The following RRP15 variants were observed in gnomAD, a reference collection of about 807,000 sequenced individuals.
RRP15 encodes the protein ribosomal RNA processing 15 homolog.
Under a neutral mutation model 27.1 loss-of-function variants are expected in RRP15, and 18 were observed. That is an observed-to-expected ratio of 0.66 (90% confidence interval 0.46 to 0.98). The LOEUF (loss-of-function observed/expected upper bound fraction) is 0.98. Ranked by LOEUF, RRP15 falls within the 50% of genes least tolerant of loss-of-function variation. RRP15 has a pLI of 0.00. For synonymous variants in RRP15, 107 were observed against 109.4 expected (o/e 0.98, Z 0.14); for missense variants, 359 against 337.8 (o/e 1.06, Z -0.49).
In RRP15 at chr1:218,307,320, T is replaced by G. The variant is rs1056209298; in HGVS notation, c.504-111T>G. 9 of 870,288 alleles carry G rather than the reference T, an allele frequency of 1.0e-5. No homozygotes were observed. In the African/African-American group the frequency reaches 1.5e-4, roughly 15 times the overall value. 53.9% of individuals were successfully genotyped at this position (870,288 alleles called of 1,614,324 possible). A position where few individuals can be genotyped will look rare whatever the true frequency, so the allele number is the denominator to read the frequency against. Reference sequence around the variant, plus strand: ...TCCCGTTCTTTCCTTTGAGTACTTGTTAAATGCTTGCCTCTTTTCTAGACA... The same window carrying G: ...TCCCGTTCTTTCCTTTGAGTACTTGGTAAATGCTTGCCTCTTTTCTAGACA... On this transcript the variant is annotated intron_variant, in intron 3 of 4. Coordinates refer to ENST00000366932, the MANE Select transcript of RRP15 (RefSeq NM_016052.4).
chr1:218,286,506 A>G (rs548674166), intron 1 of RRP15, among the ~76,000 whole-genome samples: 111 of 152,258 alleles, frequency 7.3e-4, no homozygotes, highest in Non-Finnish European at 1.1e-3. Context: ...GTAACGTACC[A>G]CCACTACTCT....
rs369341838 is a variant in RRP15 at position 218,285,336 on chromosome 1, A to G, written c.20A>G (p.Asp7Gly). Residue 7 changes from aspartate (D) to glycine (G), a missense_variant, in exon 1 of 5, where the codon GAC becomes GGC. Transcript: ENST00000366932. The stretch of plus-strand genomic sequence containing the variant: ...AGAAAAATGGCAGCCGCCGCTCCGG[A>G]CTCACGTGTGAGTGAGGAAGAAAAC... MAAAAP[D>G]SRVSEEENLK... is the part of the protein sequence containing the mutation. 15 of 1,614,060 alleles carry G rather than the reference A, an allele frequency of 9.3e-6. No individual in the cohort carries two copies. The highest frequency in any genetic ancestry group is 1.7e-5 in the Admixed American group (1 of 60,018).
chr1:218,286,500 C>A (rs531590415), intron 1 of RRP15, among the ~76,000 whole-genome samples: 1 of 152,218 alleles, frequency 6.6e-6, no homozygotes, highest in Admixed American at 6.5e-5. Context: ...CCCTATGTAA[C>A]GTACCACCAC....
chr1:218,325,101 C>T (rs1405683438), intron 4 of RRP15, among the ~76,000 whole-genome samples: 1 of 151,934 alleles, frequency 6.6e-6, no homozygotes, highest in Non-Finnish European at 1.5e-5. Flanking sequence ...TTTCTTGGTT[C>T]ACTCTCACTC....
chr1:218,337,297 T>C lies in RRP15; in HGVS notation c.*6206T>C, dbSNP rs1039366386. The C allele has an allele frequency of 6.6e-6, 1 of 152,160 alleles. No individual in the cohort carries two copies. The highest frequency in any genetic ancestry group is 6.6e-5 in the Admixed American group (1 of 15,266). The allele number at this position is 152,160 out of a possible 1,614,324, so 9.4% of individuals were successfully genotyped here. A position where few individuals can be genotyped will look rare whatever the true frequency, so the allele number is the denominator to read the frequency against. On this transcript the variant is annotated 3_prime_UTR_variant, in exon 5 of 5. Transcript: ENST00000366932. The stretch of plus-strand genomic sequence containing the variant: ...TTCCCCCCAACAAAAATTTAAAGTC[T>C]AACAGGTGGTAGGTGCTTATTGAGG...
Position 218,332,869 on chromosome 1 carries a change from A to G in RRP15, c.*1778A>G, listed in dbSNP as rs975062248. ...ATGACTTAACAAACACACAATTTTG[A>G]AAAAAAAAAAAAAAAAGTGCAGCAA... On this transcript the variant is annotated 3_prime_UTR_variant, in exon 5 of 5. Transcript: ENST00000366932. 18 of 132,748 alleles carry G rather than the reference A, an allele frequency of 1.4e-4. No individual in the cohort carries two copies. The highest frequency in any genetic ancestry group is 5.3e-4 in the African/African-American group (18 of 33,714). 8.2% of individuals were successfully genotyped at this position (132,748 alleles called of 1,614,324 possible).
intron 1 of RRP15, among the ~76,000 whole-genome samples, chr1:218,289,830 G>A (rs891651720): frequency 6.6e-6 from 1 of 152,132 alleles, no homozygotes; most frequent in African/African-American, 2.4e-5. Flanking sequence ...TTACAGGCAT[G>A]CACCACCACA....
chr1:218,312,550 A>G (rs1656019512), intron 4 of RRP15, among the ~76,000 whole-genome samples: 2 of 152,288 alleles, frequency 1.3e-5, no homozygotes, highest in East Asian at 3.9e-4. Flanking sequence ...TGTTAAATTC[A>G]GTGGAGATTT....
rs376937291 is a variant in RRP15 at position 218,307,665 on chromosome 1, G to C, written c.705+33G>C. The C allele has an allele frequency of 3.5e-6, 5 of 1,437,452 alleles. No homozygotes were observed. The African/African-American group carries it at 4.2e-5, about 12-fold the overall frequency. The allele number at this position is 1,437,452 out of a possible 1,614,324, so 89.0% of individuals were successfully genotyped here. The stretch of plus-strand genomic sequence containing the variant: ...CTTTTCTATAGGATTCAGTGTATCA[G>C]ACTTTCAGCTCTAAAACTAGTCTTG... On this transcript the variant is annotated intron_variant, in intron 4 of 4. Transcript: ENST00000366932.
At chr1:218,302,678 A>G in intron 2 of RRP15, 119 bp downstream of exon 2, 2 of 1,445,914 alleles carry the variant, frequency 1.4e-6, no homozygotes, top group South Asian at 1.4e-5. Flanking sequence ...CTTGTTTTTT[A>G]TGTGAAGGTG....
chr1:218,334,119 C>G lies in RRP15; in HGVS notation c.*3028C>G, dbSNP rs1656414582. ...ATTTTTAAGCATCAGAATTTGAAAGCCAATGATAATACCTGATTAGGACTG... is the reference window on the plus strand; with the variant it reads ...ATTTTTAAGCATCAGAATTTGAAAGGCAATGATAATACCTGATTAGGACTG... On this transcript the variant is annotated 3_prime_UTR_variant, in exon 5 of 5. Coordinates refer to ENST00000366932, the MANE Select transcript of RRP15 (RefSeq NM_016052.4). 6.6e-6 allele frequency: 1 copy of G among 152,014 alleles called. No homozygotes were observed. Among genetic ancestry groups the G allele is most frequent in the South Asian group, 2.1e-4 (1 of 4,822 alleles). The allele number at this position is 152,014 out of a possible 1,614,324, so 9.4% of individuals were successfully genotyped here.
At chr1:218,293,457 C>G (rs1033409693) in intron 1 of RRP15, among the ~76,000 whole-genome samples, 3 of 152,058 alleles carry the variant, frequency 2.0e-5, no homozygotes, top group Non-Finnish European at 2.9e-5. Context: ...GTCTTCAGAC[C>G]TATGAGGAAT....
intron 4 of RRP15, among the ~76,000 whole-genome samples, chr1:218,314,220 A>G (rs1656045707): frequency 6.6e-6 from 1 of 152,132 alleles, no homozygotes; most frequent in African/African-American, 2.4e-5. Flanking sequence ...CAACAAAAAC[A>G]TATTTTTTAA....
chr1:218,327,798 A>AT (rs1272154392), intron 4 of RRP15, among the ~76,000 whole-genome samples: 1 of 152,204 alleles, frequency 6.6e-6, no homozygotes, highest in East Asian at 1.9e-4. Context: ...ACAGTGCTGA[A>AT]TTTTACATTA....
chr1:218,327,348 G>A (rs1021334782), intron 4 of RRP15, among the ~76,000 whole-genome samples: 7 of 152,008 alleles, frequency 4.6e-5, no homozygotes, highest in Non-Finnish European at 5.9e-5. Context: ...TTACTCCGTC[G>A]CTCAGGCTGG....
chr1:218,290,862 G>A (rs921704691), intron 1 of RRP15, among the ~76,000 whole-genome samples: 5 of 152,156 alleles, frequency 3.3e-5, no homozygotes, highest in Non-Finnish European at 7.3e-5. Context: ...CATGCGGGGG[G>A]CATACATCTG....
Position 218,302,523 on chromosome 1 carries a change from A to G in RRP15, c.369A>G (p.Glu123=). Residue 123 remains glutamate, a synonymous_variant, in exon 2 of 5, where the codon GAA becomes GAG. Transcript: ENST00000366932. ...VKNKKLEKEK[E]KLKQERLEKI... is the part of the protein sequence containing the mutation. ...ATAAGAAGCTGGAAAAGGAAAAAGAAAAGTTAAAGCAAGAAAGACTAGAGA... is the reference window on the plus strand; with the variant it reads ...ATAAGAAGCTGGAAAAGGAAAAAGAGAAGTTAAAGCAAGAAAGACTAGAGA... 6.2e-7 allele frequency: 1 copy of G among 1,613,388 alleles called. No individual in the cohort carries two copies. Among genetic ancestry groups the G allele is most frequent in the Non-Finnish European group, 8.5e-7 (1 of 1,179,804 alleles).
rs905926850 is a variant in RRP15, at chr1:218,334,739, A to C, written c.*3648A>C. 5 of 152,144 alleles carry C rather than the reference A, an allele frequency of 3.3e-5. No individual in the cohort carries two copies. The highest frequency in any genetic ancestry group is 1.2e-4 in the African/African-American group (5 of 41,418). The allele number at this position is 152,144 out of a possible 1,614,324, so 9.4% of individuals were successfully genotyped here. ...GGTATAGACGCTATAAGCCCTGTAG[A>C]TATTATGGGTATGAAGACTATTTGA... On this transcript the variant is annotated 3_prime_UTR_variant, in exon 5 of 5. Transcript: ENST00000366932.
rs777623706 is a variant in RRP15 at position 218,331,043 on chromosome 1, T to C, written c.801T>C (p.Asp267=). The C allele has an allele frequency of 5.2e-5, 84 of 1,613,554 alleles. No individual in the cohort carries two copies. Among genetic ancestry groups the C allele is most frequent in the Non-Finnish European group, 6.4e-5 (75 of 1,179,674 alleles). Residue 267 remains aspartate, a synonymous_variant, in exon 5 of 5, where the codon GAT becomes GAC. Coordinates refer to ENST00000366932, the MANE Select transcript of RRP15 (RefSeq NM_016052.4). The part of the protein sequence containing the change: ...ASMKDWDKES[D]GPDDSRPESA... Reference sequence around the variant, plus strand: ...TGAAAGACTGGGACAAGGAAAGTGATGGGCCAGATGACAGCAGACCAGAAT... The same window carrying C: ...TGAAAGACTGGGACAAGGAAAGTGACGGGCCAGATGACAGCAGACCAGAAT...
Sources: allele counts gnomAD v4.1 joint callset (sites outside exome capture counted in the v4.1 genomes callset), GRCh38; gene constraint gnomAD v4.1.1; transcripts MANE v1.5; gene names NCBI Gene and HGNC (gene_info 2026-07-23, HGNC 2026-07-21).